The following CLSTN2 variants were observed in gnomAD, a reference collection of about 807,000 sequenced individuals.
CLSTN2 encodes calsyntenin-2.
A neutral mutation model predicts 101.2 loss-of-function variants in CLSTN2; 48 were observed. That is an observed-to-expected ratio of 0.47 (90% CI 0.38 to 0.60). The LOEUF is 0.60. Among genes scored for constraint, CLSTN2 ranks in the 20% least tolerant of loss-of-function variants. The probability of loss-of-function intolerance (pLI) is 0.00; values close to 1 mark genes in which losing one functional copy is unlikely to be tolerated. For missense variants in CLSTN2, 1,160 were observed against 1,238.2 expected, an observed-to-expected ratio of 0.94 and a Z score of 0.95; for synonymous variants, 481 against 463.6, an observed-to-expected ratio of 1.04 and a Z score of -0.48.
At chr3:140,469,031 AG>A (rs1312596357) in intron 8 of CLSTN2, among the ~76,000 whole-genome samples, 1 of 152,178 alleles carries the variant, frequency 6.6e-6, no homozygotes, top group Admixed American at 6.5e-5. Flanking sequence ...TAGCTTTTAG[AG>A]GGCCTCCTTC....
intron 2 of CLSTN2, among the ~76,000 whole-genome samples, chr3:140,386,263 G>T (rs1020485574): frequency 6.6e-6 from 1 of 152,150 alleles, no homozygotes; most frequent in African/African-American, 2.4e-5. Flanking sequence ...AAATGCTGCC[G>T]CTGGTACTTG....
At position 140,448,591 on chromosome 3, in the gene CLSTN2, C is replaced by T. The variant is rs141462318; in HGVS notation, c.860C>T (p.Thr287Met). ...CTGTTCCCCAGCATCCACCTGGAGA[C>T]GTGCGATGGAGCCGTGTCTTCCCTC... ...MPLFPSIHLE[T>M]CDGAVSSLQI... The change falls in exon 6 of 17, where the codon ACG becomes ATG. Residue 287 changes from threonine (T) to methionine (M), a missense_variant. Coordinates refer to ENST00000458420, the MANE Select transcript of CLSTN2 (RefSeq NM_022131.3). The T allele has an allele frequency of 5.4e-4, 864 of 1,614,022 alleles. 1 individual carries two copies. The highest frequency in any genetic ancestry group is 6.7e-4 in the Non-Finnish European group (786 of 1,179,950).
chr3:140,541,845 G>T (rs563187316), intron 9 of CLSTN2, among the ~76,000 whole-genome samples: 2 of 151,980 alleles, frequency 1.3e-5, no homozygotes, highest in African/African-American at 4.8e-5. Context: ...TGATCTATAC[G>T]CAGACCTCCT....
intron 2 of CLSTN2, among the ~76,000 whole-genome samples, chr3:140,262,382 A>C (rs1336249605): frequency 6.6e-6 from 1 of 152,204 alleles, no homozygotes; most frequent in Non-Finnish European, 1.5e-5. Flanking sequence ...GGCATGGCAC[A>C]AGAGAGGGCT....
At chr3:140,082,641 T>C (rs1483714306) in intron 1 of CLSTN2, among the ~76,000 whole-genome samples, 1 of 152,158 alleles carries the variant, frequency 6.6e-6, no homozygotes, top group East Asian at 1.9e-4. Context: ...CATCCCCTCG[T>C]TGTGTTGCTG....
At chr3:140,169,836 G>A (rs1211334704) in intron 1 of CLSTN2, among the ~76,000 whole-genome samples, 3 of 152,110 alleles carry the variant, frequency 2.0e-5, no homozygotes, top group Non-Finnish European at 4.4e-5. Context: ...ATCATGAGAT[G>A]GGGTAGGGGG....
intron 1 of CLSTN2, among the ~76,000 whole-genome samples, chr3:140,034,465 A>C (rs9832111): frequency 0.45 from 67,661 of 152,010 alleles, 15,681 homozygotes; most frequent in Non-Finnish European, 0.51. Context: ...TGGGGCTTGT[A>C]CTCCCCATAG....
chr3:140,436,233 G>A (rs371340351), intron 5 of CLSTN2, among the ~76,000 whole-genome samples: 2 of 152,176 alleles, frequency 1.3e-5, no homozygotes, highest in African/African-American at 4.8e-5. Context: ...ATATTTAAGT[G>A]TTTAATTCAT....
intron 2 of CLSTN2, among the ~76,000 whole-genome samples, chr3:140,401,355 T>C (rs538265765): frequency 1.3e-5 from 2 of 152,360 alleles, no homozygotes; most frequent in African/African-American, 4.8e-5. Context: ...TATTTTAAGG[T>C]ACCCAAGTTG....
At chr3:139,998,530 G>C (rs1366723769) in intron 1 of CLSTN2, among the ~76,000 whole-genome samples, 2 of 133,858 alleles carry the variant, frequency 1.5e-5, no homozygotes, top group Non-Finnish European at 3.5e-5. Flanking sequence ...ATTTTTAGTA[G>C]AGACGGGGTT....
intron 2 of CLSTN2, among the ~76,000 whole-genome samples, chr3:140,402,479 G>A (rs941925191): frequency 1.3e-5 from 2 of 152,090 alleles, no homozygotes; most frequent in Non-Finnish European, 2.9e-5. Flanking sequence ...AAGTTCTCTG[G>A]GTATGGGTAC....
intron 2 of CLSTN2, among the ~76,000 whole-genome samples, chr3:140,199,387 G>A (rs1285242485): frequency 6.6e-6 from 1 of 152,048 alleles, no homozygotes; most frequent in Non-Finnish European, 1.5e-5. Flanking sequence ...ACATTCTTGG[G>A]CTTCACCCCT....
At chr3:139,936,018 C>A (rs1156407714) in intron 1 of CLSTN2, among the ~76,000 whole-genome samples, 1 of 151,768 alleles carries the variant, frequency 6.6e-6, no homozygotes, top group Non-Finnish European at 1.5e-5. Context: ...GAACGTGTAC[C>A]CTCCGGGTAG....
At chr3:140,309,490 G>C (rs1212995600) in intron 2 of CLSTN2, among the ~76,000 whole-genome samples, 1 of 152,070 alleles carries the variant, frequency 6.6e-6, no homozygotes, top group Admixed American at 6.5e-5. Flanking sequence ...GTGTAGGAGT[G>C]GGGCTAGTCT....
At chr3:140,044,746 T>C (rs1002158004) in intron 1 of CLSTN2, among the ~76,000 whole-genome samples, 9 of 152,248 alleles carry the variant, frequency 5.9e-5, no homozygotes, top group African/African-American at 1.9e-4. Context: ...TGAATTGCTG[T>C]TGAATTTTGT....
chr3:140,310,942 G>A (rs1263162205), intron 2 of CLSTN2, among the ~76,000 whole-genome samples: 1 of 152,170 alleles, frequency 6.6e-6, no homozygotes, highest in Non-Finnish European at 1.5e-5. Flanking sequence ...ACAAATAAAA[G>A]CAGACATTGA....
intron 1 of CLSTN2, among the ~76,000 whole-genome samples, chr3:140,160,328 G>C (rs887593312): frequency 3.3e-5 from 5 of 151,980 alleles, no homozygotes; most frequent in Admixed American, 6.6e-5. Flanking sequence ...AATATGGTGA[G>C]CCCTGCACAA....
At chr3:140,281,078 C>G (rs1421238305) in intron 2 of CLSTN2, among the ~76,000 whole-genome samples, 1 of 152,202 alleles carries the variant, frequency 6.6e-6, no homozygotes, top group Non-Finnish European at 1.5e-5. Flanking sequence ...AGTTTCCTTT[C>G]AAATGTACAG....
intron 1 of CLSTN2, among the ~76,000 whole-genome samples, chr3:140,036,495 G>A (rs2007656921): frequency 6.6e-6 from 1 of 152,030 alleles, no homozygotes; most frequent in Non-Finnish European, 1.5e-5. Context: ...AAGTAAGTGG[G>A]AAATAATGAT....
Sources: allele counts gnomAD v4.1 joint callset (sites outside exome capture counted in the v4.1 genomes callset), GRCh38; gene constraint gnomAD v4.1.1; transcripts MANE v1.5; gene names NCBI Gene and HGNC (gene_info 2026-07-23, HGNC 2026-07-21).